The following PPARGC1A variants were observed in gnomAD, a reference collection of about 807,000 sequenced individuals.
PPARGC1A encodes peroxisome proliferator-activated receptor gamma coactivator 1-alpha.
A neutral mutation model predicts 88.7 loss-of-function variants in PPARGC1A; 25 were observed. That is an observed-to-expected ratio of 0.28 (90% CI 0.21 to 0.39). The LOEUF (loss-of-function observed/expected upper bound fraction) is 0.39, where lower values mean the gene tolerates loss of function less well. PPARGC1A is among the 10% of genes least tolerant of loss of function. The pLI is 1.00. For missense variants in PPARGC1A, 880 were observed against 968.7 expected, an observed-to-expected ratio of 0.91 and a Z score of 1.22; for synonymous variants, 363 against 355.6, an observed-to-expected ratio of 1.02 and a Z score of -0.24.
intron 5 of PPARGC1A, among the ~76,000 whole-genome samples, chr4:23,824,969 A>G (rs16874192): frequency 0.016 from 2,387 of 152,210 alleles, 74 homozygotes; most frequent in African/African-American, 0.055. Flanking sequence ...GCCAAAGCTC[A>G]TGCAGTAACT....
At chr4:23,983,670 TGAAGA>T in the PPARGC1A span, among the ~76,000 whole-genome samples, 1 of 151,898 alleles carries the variant, frequency 6.6e-6, no homozygotes, top group Non-Finnish European at 1.5e-5. Context: ...ATTAATTAAA[TGAAGA>T]GAAGAAATGG....
At chr4:23,933,364 C>G in the PPARGC1A span, among the ~76,000 whole-genome samples, 1 of 152,152 alleles carries the variant, frequency 6.6e-6, no homozygotes, top group Non-Finnish European at 1.5e-5. Flanking sequence ...ATATCTGATG[C>G]CTGGTAAGTT....
the PPARGC1A span, among the ~76,000 whole-genome samples, chr4:24,244,752 C>A: frequency 6.6e-6 from 1 of 152,134 alleles, no homozygotes; most frequent in South Asian, 2.1e-4. Flanking sequence ...CCCCAAACAT[C>A]CTACAATTCA....
chr4:24,458,432 C>T, the PPARGC1A span, among the ~76,000 whole-genome samples: 1 of 152,180 alleles, frequency 6.6e-6, no homozygotes, highest in South Asian at 2.1e-4. Context: ...GCCCAGGAGG[C>T]AGAGGTTGCA....
chr4:23,849,861 G>T (rs1312801648), intron 2 of PPARGC1A, among the ~76,000 whole-genome samples: 1 of 149,432 alleles, frequency 6.7e-6, no homozygotes, highest in Non-Finnish European at 1.5e-5. Flanking sequence ...ACACAGCAGT[G>T]GCCCTAACAG....
At chr4:24,207,161 G>C in the PPARGC1A span, among the ~76,000 whole-genome samples, 8,515 of 152,008 alleles carry the variant, frequency 0.056, 292 homozygotes, top group Middle Eastern at 0.086. Context: ...AGGCAAAATG[G>C]GAGATCCTGT....
chr4:24,359,971 C>T, the PPARGC1A span, among the ~76,000 whole-genome samples: 26 of 152,174 alleles, frequency 1.7e-4, no homozygotes, highest in African/African-American at 5.5e-4. Flanking sequence ...AAGACCAGCA[C>T]CTCCCATCTG....
chr4:24,430,905 G>A, the PPARGC1A span, among the ~76,000 whole-genome samples: 1 of 151,954 alleles, frequency 6.6e-6, no homozygotes, highest in Non-Finnish European at 1.5e-5. Flanking sequence ...ATCGCCTGAG[G>A]TCAGGAGTTC....
the PPARGC1A span, among the ~76,000 whole-genome samples, chr4:24,304,248 C>A: frequency 6.6e-6 from 1 of 152,132 alleles, no homozygotes; most frequent in Non-Finnish European, 1.5e-5. Context: ...CTTATTTTGA[C>A]TTCTAGTGAG....
chr4:24,058,860 G>A, the PPARGC1A span, among the ~76,000 whole-genome samples: 7 of 152,244 alleles, frequency 4.6e-5, no homozygotes, highest in East Asian at 1.9e-4. Context: ...CAGGAGAATC[G>A]CTTGAACCCA....
the PPARGC1A span, among the ~76,000 whole-genome samples, chr4:24,089,240 C>G: frequency 6.6e-6 from 1 of 152,178 alleles, no homozygotes; most frequent in Non-Finnish European, 1.5e-5. Context: ...GGCCTTGCAT[C>G]TGAGGCCATC....
the PPARGC1A span, among the ~76,000 whole-genome samples, chr4:24,324,581 CTTA>C: frequency 6.6e-6 from 1 of 152,186 alleles, no homozygotes; most frequent in South Asian, 2.1e-4. Flanking sequence ...ACCTAAATGC[CTTA>C]TTTTCTTCTG....
the PPARGC1A span, among the ~76,000 whole-genome samples, chr4:24,452,123 A>G: frequency 6.6e-6 from 1 of 151,694 alleles, no homozygotes; most frequent in African/African-American, 2.4e-5. Flanking sequence ...AAGAATTACA[A>G]CTCAAACTGA....
the PPARGC1A span, among the ~76,000 whole-genome samples, chr4:24,083,083 G>C: frequency 6.6e-6 from 1 of 152,092 alleles, no homozygotes; most frequent in Non-Finnish European, 1.5e-5. Context: ...GTTATATATG[G>C]CCACTTGATT....
chr4:23,974,734 G>A, the PPARGC1A span, among the ~76,000 whole-genome samples: 1 of 147,788 alleles, frequency 6.8e-6, no homozygotes, highest in Non-Finnish European at 1.5e-5. Flanking sequence ...CCGGGTTCAC[G>A]CCATTCTCCC....
At chr4:23,829,817 A>G (rs1053005466) in intron 3 of PPARGC1A, 3 of 281,936 alleles carry the variant, frequency 1.1e-5, no homozygotes, top group Non-Finnish European at 1.9e-5. Context: ...TTTCCTTCCA[A>G]TTCAATTTCT....
the PPARGC1A span, among the ~76,000 whole-genome samples, chr4:24,330,203 C>A: frequency 2.0e-5 from 3 of 152,118 alleles, no homozygotes; most frequent in Non-Finnish European, 4.4e-5. Flanking sequence ...GGGTCTTTGT[C>A]CCCTCCCCTT....
At chr4:23,989,816 A>G in the PPARGC1A span, among the ~76,000 whole-genome samples, 1 of 151,642 alleles carries the variant, frequency 6.6e-6, no homozygotes, top group South Asian at 2.1e-4. Context: ...CTATTCTTTG[A>G]CAAGATTTAA....
the PPARGC1A span, among the ~76,000 whole-genome samples, chr4:24,472,763 TGCGTGTGTGCGC>T: frequency 6.6e-6 from 1 of 151,896 alleles, no homozygotes; most frequent in African/African-American, 2.4e-5. This position sits in a 1 kb window ranked among gnomAD's most constrained non-coding sequence, Gnocchi z 4.5. Context: ...CTGTGCCGGC[TGCGTGTGTGCGC>T]GCGTGTGTGT....
Sources: allele counts gnomAD v4.1 joint callset (sites outside exome capture counted in the v4.1 genomes callset), GRCh38; gene constraint gnomAD v4.1.1; non-coding constraint Gnocchi (gnomAD v3.1); transcripts MANE v1.5; gene names NCBI Gene and HGNC (gene_info 2026-07-23, HGNC 2026-07-21).